The following DIAPH2 variants were observed in gnomAD, a reference collection of about 807,000 sequenced individuals.
DIAPH2 encodes protein diaphanous homolog 2.
Under a neutral mutation model 92.7 loss-of-function variants are expected in DIAPH2, and 35 were observed. That is an observed-to-expected ratio of 0.38 (90% confidence interval 0.29 to 0.50). The LOEUF is 0.50. DIAPH2 is among the 20% of genes least tolerant of loss of function. DIAPH2 has a pLI of 0.94. For missense variants in DIAPH2, 701 were observed against 819.5 expected (o/e 0.86, Z 1.77); for synonymous variants, 301 against 280.4 (o/e 1.07, Z -0.73).
intron 4 of DIAPH2, among the ~76,000 whole-genome samples, chrX:96,800,021 A>G (rs1305966827): frequency 9.0e-6 from 1 of 111,105 alleles, no homozygotes; most frequent in Non-Finnish European, 1.9e-5. Context: ...TGTTTCAAGT[A>G]AAAGAAAACC....
intron 26 of DIAPH2, among the ~76,000 whole-genome samples, chrX:97,561,295 G>A (rs1420227392): frequency 8.9e-6 from 1 of 112,080 alleles, no homozygotes; most frequent in Non-Finnish European, 1.9e-5. Context: ...TAATGGATAT[G>A]TAGAGATAAT....
chrX:97,567,328 A>G (rs1232288283), intron 26 of DIAPH2, among the ~76,000 whole-genome samples: 7 of 112,268 alleles, frequency 6.2e-5, no homozygotes, highest in Non-Finnish European at 1.3e-4. Context: ...AAATGAATAC[A>G]GAAAGTTTAA....
intron 26 of DIAPH2, among the ~76,000 whole-genome samples, chrX:97,496,654 A>T (rs1012394225): frequency 2.5e-5 from 2 of 81,559 alleles, no homozygotes; most frequent in South Asian, 6.4e-4. Context: ...CCTGAATTAG[A>T]TTTTTTTTTT....
chrX:96,900,095 C>G (rs191267522), intron 5 of DIAPH2, among the ~76,000 whole-genome samples: 14 of 112,063 alleles, frequency 1.2e-4, no homozygotes, highest in Non-Finnish European at 2.6e-4. Context: ...TTGGTTCTAC[C>G]CTTCCATGAG....
chrX:97,562,744 GGTAGATA>G (rs1293761202), intron 26 of DIAPH2, among the ~76,000 whole-genome samples: 1 of 111,322 alleles, frequency 9.0e-6, no homozygotes, highest in Non-Finnish European at 1.9e-5. Context: ...TTAAAACTAA[GGTAGATA>G]TTAAGGGAAC....
intron 26 of DIAPH2, among the ~76,000 whole-genome samples, chrX:97,549,668 C>T (rs2071206177): frequency 9.0e-6 from 1 of 110,909 alleles, no homozygotes; most frequent in Non-Finnish European, 1.9e-5. Context: ...TTTATCAGTT[C>T]TCCCACTAAT....
chrX:97,420,279 A>G (rs904561995), intron 25 of DIAPH2, among the ~76,000 whole-genome samples: 8 of 111,747 alleles, frequency 7.2e-5, no homozygotes, highest in Non-Finnish European at 1.3e-4. Flanking sequence ...TTTAAGATAT[A>G]CATACATTAG....
intron 25 of DIAPH2, among the ~76,000 whole-genome samples, chrX:97,413,357 C>G (rs1440178574): frequency 3.6e-5 from 4 of 111,170 alleles, no homozygotes; most frequent in African/African-American, 1.3e-4. Flanking sequence ...ATTCTACAAC[C>G]CTTCATGCTA....
intron 14 of DIAPH2, among the ~76,000 whole-genome samples, chrX:96,948,609 A>C (rs5920612): frequency 0.04 from 4,437 of 111,938 alleles, 104 homozygotes; most frequent in Middle Eastern, 0.083. Flanking sequence ...AAAATTATTA[A>C]TTCTAAAATT....
intron 17 of DIAPH2, among the ~76,000 whole-genome samples, chrX:96,986,689 C>G (rs2066034050): frequency 9.0e-6 from 1 of 111,244 alleles, no homozygotes; most frequent in Admixed American, 9.6e-5. Context: ...TGCCTTGACT[C>G]TTAAGGACAT....
intron 4 of DIAPH2, among the ~76,000 whole-genome samples, chrX:96,805,319 T>A (rs2064615817): frequency 9.1e-6 from 1 of 110,132 alleles, no homozygotes; most frequent in African/African-American, 3.3e-5. Flanking sequence ...GGGGTGGGTG[T>A]TGCAATTTTA....
chrX:97,209,776 A>G (rs2067825264), intron 22 of DIAPH2, among the ~76,000 whole-genome samples: 1 of 110,834 alleles, frequency 9.0e-6, no homozygotes, highest in Non-Finnish European at 1.9e-5. Flanking sequence ...AATCATATAT[A>G]TTAATTGAGT....
At chrX:97,087,012 T>A (rs990691047) in intron 19 of DIAPH2, among the ~76,000 whole-genome samples, 1 of 111,791 alleles carries the variant, frequency 8.9e-6, no homozygotes, top group Non-Finnish European at 1.9e-5. Context: ...AGAGTAGAAA[T>A]TAAATTATCC....
intron 5 of DIAPH2, among the ~76,000 whole-genome samples, chrX:96,895,064 C>T (rs753648753): frequency 4.9e-4 from 48 of 97,192 alleles, no homozygotes; most frequent in African/African-American, 1.1e-3. Context: ...AGTGTAGTGG[C>T]GCAATCTCGG....
intron 25 of DIAPH2, among the ~76,000 whole-genome samples, chrX:97,402,395 A>G (rs763320372): frequency 1.8e-5 from 2 of 111,768 alleles, no homozygotes; most frequent in African/African-American, 3.3e-5. Context: ...GCACATTTAC[A>G]TTCTCTTAGT....
chrX:96,883,111 T>TG (rs2065230410), intron 5 of DIAPH2, among the ~76,000 whole-genome samples: 1 of 110,882 alleles, frequency 9.0e-6, no homozygotes, highest in South Asian at 3.8e-4. Flanking sequence ...ATAATAGGTC[T>TG]AAGTCTTGTA....
Position 97,439,569 on chromosome X carries a change from CAAAAA to C in DIAPH2, c.3241+9833_3241+9837del, listed in dbSNP as rs200327735. Among the ~76,000 whole-genome samples the C allele has an allele frequency of 4.6e-5, 4 of 86,167 alleles. No homozygotes were observed. In the East Asian group the frequency reaches 1.1e-3, roughly 23 times the overall value. The allele number at this position is 86,167 out of a possible 115,157, so 74.8% of individuals were successfully genotyped here. A position where few individuals can be genotyped will look rare whatever the true frequency, so the allele number is the denominator to read the frequency against. On this transcript the variant is annotated intron_variant, in intron 26 of 26. Coordinates refer to ENST00000324765, the MANE Select transcript of DIAPH2 (RefSeq NM_006729.5). ...TGAGCGACAGGGCGAGACTCCGTCT[CAAAAA>C]AAAAAAAAGAAAAGAAAAGAAAATT...
At chrX:97,222,680 T>C (rs967602612) in intron 22 of DIAPH2, among the ~76,000 whole-genome samples, 7 of 112,481 alleles carry the variant, frequency 6.2e-5, no homozygotes, top group African/African-American at 2.3e-4. Context: ...TGTGACATAA[T>C]TGTTAAAGGA....
chrX:96,973,384 G>C (rs2065939331), intron 17 of DIAPH2, among the ~76,000 whole-genome samples: 1 of 110,988 alleles, frequency 9.0e-6, no homozygotes, highest in Non-Finnish European at 1.9e-5. Context: ...TGGAGTCCCA[G>C]TTACTTGAGA....
Sources: gnomAD v4.1 joint callset for allele counts (sites outside exome capture counted in the v4.1 genomes callset) on GRCh38, gnomAD v4.1.1 for gene constraint, MANE v1.5 for transcripts, NCBI Gene and HGNC (gene_info 2026-07-23, HGNC 2026-07-21) for gene names.